Variants in AJAP1 observed in about 807,000 individuals in gnomAD.
AJAP1 encodes adherens junction-associated protein 1.
A neutral mutation model predicts 35.0 loss-of-function variants in AJAP1; 5 were observed. That is an observed-to-expected ratio of 0.14 (90% confidence interval 0.07 to 0.30). AJAP1 has a LOEUF of 0.30. AJAP1 is among the 10% of genes least tolerant of loss of function. The probability of loss-of-function intolerance (pLI) is 1.00; values close to 1 mark genes in which losing one functional copy is unlikely to be tolerated. For synonymous variants in AJAP1, 284 were observed against 249.3 expected, an observed-to-expected ratio of 1.14 and a Z score of -1.31; for missense variants, 586 against 571.0, an observed-to-expected ratio of 1.03 and a Z score of -0.27.
In AJAP1 at chr1:4,783,469, G is replaced by A. The variant is rs1211312475; in HGVS notation, c.*984G>A. ...GAATGCCAAGGTTTTATATATGTGT[G>A]TGTATATATATATATATATATATAT... On this transcript the variant is annotated 3_prime_UTR_variant, in exon 6 of 6. Coordinates refer to ENST00000378191, the MANE Select transcript of AJAP1 (RefSeq NM_018836.4). 1.3e-4 allele frequency: 14 copies of A among 111,470 alleles called. No homozygotes were observed. Among genetic ancestry groups the A allele is most frequent in the African/African-American group, 4.6e-4 (13 of 28,366 alleles). The allele number at this position is 111,470 out of a possible 1,614,324, so 6.9% of individuals were successfully genotyped here. A position where few individuals can be genotyped will look rare whatever the true frequency, so the allele number is the denominator to read the frequency against.
intron 1 of AJAP1, among the ~76,000 whole-genome samples, chr1:4,687,594 G>T (rs1451216822): frequency 6.6e-6 from 1 of 152,126 alleles, no homozygotes; most frequent in Non-Finnish European, 1.5e-5. Context: ...CTGTCTGGTG[G>T]CTACGGCTGC....
intron 1 of AJAP1, among the ~76,000 whole-genome samples, chr1:4,684,216 G>C (rs1010012778): frequency 2.0e-5 from 3 of 152,186 alleles, no homozygotes; most frequent in African/African-American, 4.8e-5. Context: ...CCAGCTGTTT[G>C]GGGGGCAGCT....
rs1044395468 is a variant in AJAP1 at position 4,720,089 on chromosome 1, G to A, written c.829+7390G>A. Among the ~76,000 whole-genome samples, 2 of 152,160 alleles carry A rather than the reference G, an allele frequency of 1.3e-5. No individual in the cohort carries two copies. Among genetic ancestry groups the A allele is most frequent in the Admixed American group, 6.5e-5 (1 of 15,284 alleles). The stretch of plus-strand genomic sequence containing the variant: ...CCTGCTGGTAGAAAAAACATCACCC[G>A]CATCTTTGCAGCAGATAAGTTCCAA... On this transcript the variant is annotated intron_variant, in intron 2 of 5. Transcript: ENST00000378191. The surrounding 1 kb of genome is among the most constrained non-coding windows in gnomAD (Gnocchi z 4.4).
intron 1 of AJAP1, among the ~76,000 whole-genome samples, chr1:4,684,269 T>G (rs540106445): frequency 6.6e-6 from 1 of 152,264 alleles, no homozygotes; most frequent in South Asian, 2.1e-4. Flanking sequence ...CCATGTTCAT[T>G]CCATTGGCTC....
At chr1:4,743,148 A>G (rs372061713) in intron 2 of AJAP1, among the ~76,000 whole-genome samples, 2 of 152,152 alleles carry the variant, frequency 1.3e-5, no homozygotes, top group Non-Finnish European at 2.9e-5. Flanking sequence ...GCCAACTGCT[A>G]CCCTCAAAGG....
At chr1:4,739,216 A>G (rs1050897526) in intron 2 of AJAP1, among the ~76,000 whole-genome samples, 3 of 152,220 alleles carry the variant, frequency 2.0e-5, no homozygotes, top group African/African-American at 7.2e-5. Flanking sequence ...AGGCGGGGAA[A>G]GACGATCTCA....
intron 2 of AJAP1, among the ~76,000 whole-genome samples, chr1:4,755,302 C>T (rs1176973364): frequency 6.6e-5 from 10 of 152,196 alleles, no homozygotes; most frequent in Non-Finnish European, 1.2e-4. Context: ...GAAGTGGGTG[C>T]GGGGGACTCT....
At chr1:4,726,028 C>A (rs1269429784) in intron 2 of AJAP1, among the ~76,000 whole-genome samples, 5 of 152,216 alleles carry the variant, frequency 3.3e-5, no homozygotes, top group African/African-American at 1.2e-4. Context: ...GGTCATGGCC[C>A]ACCTGGGAGA....
In AJAP1 at chr1:4,655,858, A is replaced by G. The variant is rs1323917119; in HGVS notation, c.29+404A>G. 6.7e-6 allele frequency among the ~76,000 whole-genome samples: 1 copy of G among 150,314 alleles called. No individual in the cohort carries two copies. The highest frequency in any genetic ancestry group is 2.4e-5 in the African/African-American group (1 of 41,034). ...GGCGCGGGGGCCGGGGCTGCCGGGG[A>G]AAGCTAAAGCTCCGGGCTCCCAGCG... On this transcript the variant is annotated intron_variant, in intron 1 of 5. Coordinates refer to ENST00000378191, the MANE Select transcript of AJAP1 (RefSeq NM_018836.4). This position sits in a 1 kb window ranked among gnomAD's most constrained non-coding sequence, Gnocchi z 6.9.
Position 4,776,134 on chromosome 1 carries a change from C to T in AJAP1, c.*59+1576C>T, listed in dbSNP as rs113921437. 5.8e-3 allele frequency among the ~76,000 whole-genome samples: 884 copies of T among 152,346 alleles called. 8 individuals are homozygous for T. The highest frequency in any genetic ancestry group is 0.02 in the African/African-American group (829 of 41,580). On this transcript the variant is annotated intron_variant, in intron 5 of 5. Coordinates refer to ENST00000378191, the MANE Select transcript of AJAP1 (RefSeq NM_018836.4). ...ACCCACAGAACTGGAGAGGTCAACTCGGGGGGACAGCCCCGTAATACGGAT... is the reference window on the plus strand; with the variant it reads ...ACCCACAGAACTGGAGAGGTCAACTTGGGGGGACAGCCCCGTAATACGGAT...
chr1:4,701,109 A>G (rs149784047), intron 1 of AJAP1, among the ~76,000 whole-genome samples: 1 of 152,270 alleles, frequency 6.6e-6, no homozygotes, highest in Non-Finnish European at 1.5e-5. Context: ...AGTCTCCTCC[A>G]AGCACCTGCG....
At chr1:4,659,680 C>A (rs1638959932) in intron 1 of AJAP1, among the ~76,000 whole-genome samples, 1 of 152,096 alleles carries the variant, frequency 6.6e-6, no homozygotes, top group South Asian at 2.1e-4. Flanking sequence ...CTGGGTCAAT[C>A]CCAAAAGGTT....
chr1:4,680,385 C>T (rs1469957235), intron 1 of AJAP1, among the ~76,000 whole-genome samples: 1 of 152,184 alleles, frequency 6.6e-6, no homozygotes, highest in Non-Finnish European at 1.5e-5. Context: ...TTAAATACAT[C>T]TTCAAAGTCC....
chr1:4,685,083 C>A (rs2100215414), intron 1 of AJAP1, among the ~76,000 whole-genome samples: 1 of 152,248 alleles, frequency 6.6e-6, no homozygotes, highest in East Asian at 1.9e-4. Flanking sequence ...AGTCATGGCC[C>A]CGAACCCCCT....
At chr1:4,690,052 C>T (rs953476656) in intron 1 of AJAP1, among the ~76,000 whole-genome samples, 3 of 152,094 alleles carry the variant, frequency 2.0e-5, no homozygotes, top group Non-Finnish European at 4.4e-5. Flanking sequence ...GCACACCTGG[C>T]CAACGATGGA....
At chr1:4,707,974 G>GTT (rs765313378) in intron 1 of AJAP1, among the ~76,000 whole-genome samples, 9,604 of 134,692 alleles carry the variant, frequency 0.071, 567 homozygotes, top group South Asian at 0.17. Flanking sequence ...TTTTTTTTTT[G>GTT]TTTTTTTTTT....
intron 2 of AJAP1, among the ~76,000 whole-genome samples, chr1:4,718,641 C>T (rs1302180016): frequency 2.0e-5 from 3 of 152,080 alleles, no homozygotes; most frequent in Non-Finnish European, 2.9e-5. Flanking sequence ...TGCCACTAAG[C>T]TCAGCTAATT....
chr1:4,694,262 C>T (rs1029908895), intron 1 of AJAP1, among the ~76,000 whole-genome samples: 2 of 152,176 alleles, frequency 1.3e-5, no homozygotes, highest in Non-Finnish European at 2.9e-5. Context: ...ATAATCCCAG[C>T]CCCCCACCCC....
chr1:4,696,672 G>T (rs920073441), intron 1 of AJAP1, among the ~76,000 whole-genome samples: 1 of 152,256 alleles, frequency 6.6e-6, no homozygotes, highest in Non-Finnish European at 1.5e-5. Context: ...GCCAGTGATT[G>T]TTGTGTGTGC....
Sources: allele counts gnomAD v4.1 joint callset (sites outside exome capture counted in the v4.1 genomes callset), GRCh38; gene constraint gnomAD v4.1.1; non-coding constraint Gnocchi (gnomAD v3.1); transcripts MANE v1.5; gene names NCBI Gene and HGNC (gene_info 2026-07-23, HGNC 2026-07-21).